Variants in ZNF385D observed in about 807,000 individuals in gnomAD.
ZNF385D encodes the protein zinc finger protein 385D, also known as zinc finger protein 659.
ZNF385D carries 15 observed loss-of-function variants against 35.8 expected under a neutral mutation model. That is an observed-to-expected ratio of 0.42 (90% confidence interval 0.28 to 0.64). The LOEUF (loss-of-function observed/expected upper bound fraction) is 0.64. Among genes scored for constraint, ZNF385D ranks in the 30% least tolerant of loss-of-function variants. ZNF385D has a pLI of 0.23. For missense variants in ZNF385D, 474 were observed against 494.6 expected (o/e 0.96, Z 0.39); for synonymous variants, 212 against 186.8 (o/e 1.13, Z -1.10).
At chr3:21,421,560 A>C (rs1042836247) in intron 7 of ZNF385D, 113 bp from the exon 8 acceptor site, 3 of 680,570 alleles carry the variant, frequency 4.4e-6, no homozygotes, top group African/African-American at 3.6e-5. Context: ...TAAAGAAAAA[A>C]GCTTCACACT....
chr3:22,340,633 G>A (rs1191406105), intron 2 of ZNF385D, among the ~76,000 whole-genome samples: 4 of 152,076 alleles, frequency 2.6e-5, no homozygotes, highest in Admixed American at 2.6e-4. Flanking sequence ...GTGACAGAGT[G>A]AGACTCTGTC....
At chr3:21,992,010 C>T (rs1335205593) in intron 3 of ZNF385D, among the ~76,000 whole-genome samples, 3 of 152,166 alleles carry the variant, frequency 2.0e-5, no homozygotes, top group Non-Finnish European at 4.4e-5. Context: ...GCTAACTATT[C>T]TCTTTAGCAT....
At chr3:21,810,197 C>G (rs1034639715) in intron 3 of ZNF385D, among the ~76,000 whole-genome samples, 1 of 151,988 alleles carries the variant, frequency 6.6e-6, no homozygotes, top group Admixed American at 6.6e-5. Context: ...ACATCATGAT[C>G]AATTAGGGTT....
chr3:21,809,113 A>G (rs2072787552), intron 3 of ZNF385D, among the ~76,000 whole-genome samples: 1 of 152,180 alleles, frequency 6.6e-6, no homozygotes, highest in Non-Finnish European at 1.5e-5. Context: ...TTGAGAAAAG[A>G]TTCTCAAAAA....
intron 3 of ZNF385D, among the ~76,000 whole-genome samples, chr3:21,895,504 T>C (rs1001412894): frequency 6.7e-6 from 1 of 149,784 alleles, no homozygotes; most frequent in Non-Finnish European, 1.5e-5. Flanking sequence ...ATTTTTTTTT[T>C]TTTTTTTTGT....
chr3:22,110,007 C>T (rs941067622), intron 3 of ZNF385D, among the ~76,000 whole-genome samples: 1 of 152,136 alleles, frequency 6.6e-6, no homozygotes, highest in Non-Finnish European at 1.5e-5. Context: ...CAAAAGAAGA[C>T]ATTTATGCAG....
chr3:21,574,299 T>C (rs1265947698), intron 2 of ZNF385D, among the ~76,000 whole-genome samples: 2 of 152,064 alleles, frequency 1.3e-5, no homozygotes, highest in Admixed American at 6.6e-5. Context: ...GAAAAGTCTC[T>C]ACGTGAATAA....
At chr3:21,598,145 A>G (rs371376995) in intron 2 of ZNF385D, among the ~76,000 whole-genome samples, 8 of 152,200 alleles carry the variant, frequency 5.3e-5, no homozygotes, top group African/African-American at 1.9e-4. Context: ...TCTTAGAGAA[A>G]CGCATCCTGC....
At chr3:21,929,464 G>T (rs1575940308) in intron 3 of ZNF385D, among the ~76,000 whole-genome samples, 1 of 151,974 alleles carries the variant, frequency 6.6e-6, no homozygotes, top group Non-Finnish European at 1.5e-5. Context: ...ATTCAAGCTG[G>T]TGCAATTAGG....
At chr3:21,658,077 T>G (rs2066125568) in intron 2 of ZNF385D, among the ~76,000 whole-genome samples, 1 of 152,044 alleles carries the variant, frequency 6.6e-6, no homozygotes, top group Non-Finnish European at 1.5e-5. Context: ...ATCTGTAATA[T>G]TATAAGTGTA....
At chr3:21,703,070 G>A (rs894756418) in intron 1 of ZNF385D, among the ~76,000 whole-genome samples, 1 of 152,008 alleles carries the variant, frequency 6.6e-6, no homozygotes, top group African/African-American at 2.4e-5. Context: ...TCACTCTACT[G>A]GTACCAATTT....
chr3:22,199,471 G>A (rs982073044), intron 2 of ZNF385D, among the ~76,000 whole-genome samples: 1 of 152,044 alleles, frequency 6.6e-6, no homozygotes, highest in Non-Finnish European at 1.5e-5. Flanking sequence ...GGTAATATTA[G>A]GTTCAATGTT....
At chr3:22,310,790 T>C (rs1291170896) in intron 2 of ZNF385D, among the ~76,000 whole-genome samples, 1 of 151,908 alleles carries the variant, frequency 6.6e-6, no homozygotes, top group African/African-American at 2.4e-5. Flanking sequence ...GACAGCTTTA[T>C]AATTTTACTT....
chr3:22,179,966 A>C (rs1382488810), intron 2 of ZNF385D, among the ~76,000 whole-genome samples: 1 of 152,228 alleles, frequency 6.6e-6, no homozygotes, highest in Admixed American at 6.5e-5. Flanking sequence ...CAGAGACACA[A>C]AAAACCCTTC....
intron 2 of ZNF385D, among the ~76,000 whole-genome samples, chr3:22,336,733 T>C (rs920918771): frequency 1.3e-5 from 2 of 151,624 alleles, no homozygotes; most frequent in African/African-American, 4.8e-5. Context: ...CTAAAATTAG[T>C]GGCATATTTT....
chr3:22,254,720 A>T (rs755836279), intron 2 of ZNF385D, among the ~76,000 whole-genome samples: 3 of 151,824 alleles, frequency 2.0e-5, no homozygotes, highest in Non-Finnish European at 4.4e-5. Flanking sequence ...CTAATAGAAA[A>T]ATTATAATAT....
At chr3:21,581,474 A>G (rs1267026807) in intron 2 of ZNF385D, among the ~76,000 whole-genome samples, 1 of 152,134 alleles carries the variant, frequency 6.6e-6, no homozygotes, top group African/African-American at 2.4e-5. Context: ...AAATTGCAAA[A>G]GAGGTAGGGT....
chr3:22,304,507 A>G (rs1341828227), intron 2 of ZNF385D, among the ~76,000 whole-genome samples: 1 of 152,146 alleles, frequency 6.6e-6, no homozygotes, highest in Non-Finnish European at 1.5e-5. Context: ...TAACCATCAA[A>G]TCTATCTGAG....
chr3:22,073,779 A>G (rs1280006102), intron 3 of ZNF385D, among the ~76,000 whole-genome samples: 1 of 152,016 alleles, frequency 6.6e-6, no homozygotes, highest in East Asian at 1.9e-4. Context: ...CTTTCTGAAT[A>G]GGTAAAAGCA....
Sources: allele counts gnomAD v4.1 joint callset (sites outside exome capture counted in the v4.1 genomes callset), GRCh38; gene constraint gnomAD v4.1.1; transcripts MANE v1.5; gene names NCBI Gene and HGNC (gene_info 2026-07-23, HGNC 2026-07-21).